Variants in PABPC4L observed in about 807,000 individuals in gnomAD.
The protein encoded by PABPC4L is polyadenylate-binding protein 4-like.
For synonymous variants in PABPC4L, 169 were observed against 164.1 expected, an observed-to-expected ratio of 1.03 and a Z score of -0.23; for missense variants, 452 against 451.4, an observed-to-expected ratio of 1.00 and a Z score of -0.01.
the PABPC4L span, among the ~76,000 whole-genome samples, chr4:134,077,675 C>CT: frequency 6.6e-6 from 1 of 152,148 alleles, no homozygotes; most frequent in African/African-American, 2.4e-5. Flanking sequence ...ATCCTTTACG[C>CT]TTTTTTGTCT....
At chr4:134,061,797 T>A in the PABPC4L span, among the ~76,000 whole-genome samples, 1 of 150,982 alleles carries the variant, frequency 6.6e-6, no homozygotes. Flanking sequence ...ATAGTTATTG[T>A]TAATTACAGA....
At chr4:134,049,430 T>A in the PABPC4L span, among the ~76,000 whole-genome samples, 4 of 152,288 alleles carry the variant, frequency 2.6e-5, no homozygotes, top group East Asian at 7.7e-4. Flanking sequence ...GGAAAATGTC[T>A]GGCTATAGGC....
the PABPC4L span, among the ~76,000 whole-genome samples, chr4:134,150,713 C>T: frequency 1.3e-5 from 2 of 152,224 alleles, no homozygotes; most frequent in African/African-American, 4.8e-5. Context: ...GAAACCTCCC[C>T]CACCCTTGGC....
chr4:134,110,043 T>C, the PABPC4L span, among the ~76,000 whole-genome samples: 4 of 152,054 alleles, frequency 2.6e-5, no homozygotes, highest in African/African-American at 4.8e-5. Context: ...TTAATGCATA[T>C]GCAAAGAAAC....
chr4:134,191,899 T>A (rs1043222409), downstream of PABPC4L, among the ~76,000 whole-genome samples: 13 of 151,826 alleles, frequency 8.6e-5, no homozygotes, highest in African/African-American at 3.1e-4. Flanking sequence ...AAAGATTACA[T>A]CAGAAACAAA....
At chr4:133,981,239 T>C in the PABPC4L span, among the ~76,000 whole-genome samples, 2 of 152,208 alleles carry the variant, frequency 1.3e-5, no homozygotes, top group African/African-American at 2.4e-5. Flanking sequence ...ATTGGTTTAT[T>C]GCTGAAATAC....
At chr4:134,106,562 C>G in the PABPC4L span, among the ~76,000 whole-genome samples, 13 of 151,164 alleles carry the variant, frequency 8.6e-5, no homozygotes, top group East Asian at 1.9e-3. Flanking sequence ...ATTAGTGAGA[C>G]AGAAAAATAT....
chr4:133,973,242 T>C, the PABPC4L span, among the ~76,000 whole-genome samples: 1 of 151,664 alleles, frequency 6.6e-6, no homozygotes, highest in African/African-American at 2.4e-5. Flanking sequence ...CTAAAGAAGA[T>C]CTTCTAAAAA....
At chr4:133,962,878 G>C in the PABPC4L span, among the ~76,000 whole-genome samples, 1 of 152,118 alleles carries the variant, frequency 6.6e-6, no homozygotes, top group East Asian at 1.9e-4. Flanking sequence ...ACAAATCCTG[G>C]AAACATGTCA....
chr4:134,183,910 T>TTG, the PABPC4L span, among the ~76,000 whole-genome samples: 9 of 151,282 alleles, frequency 5.9e-5, no homozygotes, highest in Non-Finnish European at 1.0e-4. Context: ...CCCTAAAAGA[T>TTG]TGTGTGTGTG....
the PABPC4L span, among the ~76,000 whole-genome samples, chr4:134,145,062 A>T: frequency 6.6e-6 from 1 of 151,820 alleles, no homozygotes; most frequent in Admixed American, 6.6e-5. Context: ...CCAAATAAGT[A>T]AATTGCTTGG....
At chr4:133,960,068 G>A in the PABPC4L span, among the ~76,000 whole-genome samples, 167 of 152,234 alleles carry the variant, frequency 1.1e-3, 1 homozygote, top group Middle Eastern at 3.4e-3. Flanking sequence ...AGGACGGGAG[G>A]CAGAATTACA....
At chr4:134,036,791 C>T in the PABPC4L span, among the ~76,000 whole-genome samples, 183 of 152,188 alleles carry the variant, frequency 1.2e-3, no homozygotes, top group Non-Finnish European at 1.9e-3. Context: ...TGCAGTGGCT[C>T]ATGCCTGTAA....
At chr4:134,092,041 G>A in the PABPC4L span, among the ~76,000 whole-genome samples, 13 of 151,906 alleles carry the variant, frequency 8.6e-5, no homozygotes, top group Admixed American at 8.5e-4. Context: ...TCAATGCTCT[G>A]GAACAATTTA....
chr4:134,198,074 A>C lies in PABPC4L; in HGVS notation c.*1833T>G, dbSNP rs1188292759. On this transcript the variant is annotated 3_prime_UTR_variant, in exon 2 of 2. Transcript: ENST00000421491. The stretch of plus-strand genomic sequence containing the variant: ...ATCTAGCAACAAGAAGTTTATCAAT[A>C]AGAAATTAGTTATATTTTGGTACAG... The C allele has an allele frequency of 6.6e-6, 1 of 151,824 alleles. No individual in the cohort carries two copies. Among genetic ancestry groups the C allele is most frequent in the African/African-American group, 2.4e-5 (1 of 41,446 alleles). 9.4% of individuals were successfully genotyped at this position (151,824 alleles called of 1,614,324 possible).
the PABPC4L span, among the ~76,000 whole-genome samples, chr4:134,013,126 G>C: frequency 6.6e-6 from 1 of 151,732 alleles, no homozygotes; most frequent in Non-Finnish European, 1.5e-5. Flanking sequence ...CCTTCTCTCT[G>C]TGTCTCTACC....
chr4:133,976,566 C>A, the PABPC4L span, among the ~76,000 whole-genome samples: 1 of 152,174 alleles, frequency 6.6e-6, no homozygotes, highest in Non-Finnish European at 1.5e-5. Flanking sequence ...AATTAATTTA[C>A]ATTCCCACCA....
chr4:134,141,932 T>C, the PABPC4L span, among the ~76,000 whole-genome samples: 1 of 151,780 alleles, frequency 6.6e-6, no homozygotes, highest in African/African-American at 2.4e-5. Context: ...TTGTCACTTC[T>C]TTCTTTGAAA....
the PABPC4L span, among the ~76,000 whole-genome samples, chr4:134,037,333 A>G: frequency 6.6e-6 from 1 of 152,020 alleles, no homozygotes; most frequent in South Asian, 2.1e-4. Flanking sequence ...GCAGTGTTTT[A>G]TAGTTCTCCT....
Sources: gnomAD v4.1 joint callset for allele counts (sites outside exome capture counted in the v4.1 genomes callset) on GRCh38, gnomAD v4.1.1 for gene constraint, MANE v1.5 for transcripts, NCBI Gene and HGNC (gene_info 2026-07-23, HGNC 2026-07-21) for gene names.